The following CSTL1 variants were observed in gnomAD, a reference collection of about 807,000 sequenced individuals.
The protein encoded by CSTL1 is cystatin like 1.
In CSTL1, 14 loss-of-function variants were observed where a neutral mutation model predicts 14.4. The observed-to-expected ratio is 0.97, with a 90% CI of 0.64 to 1.52. The LOEUF is 1.52. CSTL1 is among the 40% of genes most tolerant of loss of function. The pLI is 0.00. For synonymous variants in CSTL1, 72 were observed against 67.5 expected (o/e 1.07, Z -0.33); for missense variants, 170 against 168.7 (o/e 1.01, Z -0.04).
chr20:23,451,557 G>A, the CSTL1 span, among the ~76,000 whole-genome samples: 18 of 152,292 alleles, frequency 1.2e-4, no homozygotes, highest in African/African-American at 4.1e-4. Flanking sequence ...GCCCCAGAGT[G>A]TGCCCCTGCA....
chr20:23,446,399 G>A (rs1304996070), downstream of CSTL1, among the ~76,000 whole-genome samples: 1 of 152,128 alleles, frequency 6.6e-6, no homozygotes, highest in Non-Finnish European at 1.5e-5. Context: ...GGGACTACAG[G>A]CGTGCACTGC....
At chr20:23,440,571 G>GAACCACCAC in intron 2 of CSTL1, 85 bp downstream of exon 2, 1 of 1,018,968 alleles carries the variant, frequency 9.8e-7, no homozygotes. Flanking sequence ...GCTCCCAAGA[G>GAACCACCAC]AACCAAGTGG....
chr20:23,454,335 A>G, the CSTL1 span, among the ~76,000 whole-genome samples: 1 of 150,498 alleles, frequency 6.6e-6, no homozygotes, highest in African/African-American at 2.4e-5. Flanking sequence ...CAGACACACA[A>G]CATACACACA....
At chr20:23,450,602 A>T in the CSTL1 span, 10 of 1,598,206 alleles carry the variant, frequency 6.3e-6, no homozygotes, top group Admixed American at 1.5e-4. Flanking sequence ...AAAACAAAAA[A>T]CAAAGGCAAT....
At chr20:23,459,889 T>C in the CSTL1 span, among the ~76,000 whole-genome samples, 1 of 152,222 alleles carries the variant, frequency 6.6e-6, no homozygotes, top group East Asian at 1.9e-4. Context: ...TGACCATTCC[T>C]GCACTGTTCA....
At chr20:23,444,294 G>T (rs1321676213) in intron 3 of CSTL1, among the ~76,000 whole-genome samples, 1 of 152,230 alleles carries the variant, frequency 6.6e-6, no homozygotes, top group Non-Finnish European at 1.5e-5. Flanking sequence ...GACCCTCTGC[G>T]TGAAAGCAGT....
At chr20:23,441,296 G>C (rs761536909) in intron 2 of CSTL1, among the ~76,000 whole-genome samples, 1 of 152,218 alleles carries the variant, frequency 6.6e-6, no homozygotes. Context: ...TGGAGAGGAT[G>C]TGAGAGATAG....
chr20:23,445,235 T>C (rs186759640), downstream of CSTL1, among the ~76,000 whole-genome samples: 1,748 of 147,380 alleles, frequency 0.012, 25 homozygotes, highest in African/African-American at 0.032. Context: ...TTCTTTCTTT[T>C]TTTTTTTTTT....
intron 2 of CSTL1, chr20:23,440,748 A>T: frequency 1.0e-5 from 5 of 492,632 alleles, no homozygotes; most frequent in Admixed American, 3.1e-5. Flanking sequence ...TTCACTGAGG[A>T]TTAAACTCTT....
At chr20:23,448,113 T>G (rs1987003892), downstream of CSTL1, among the ~76,000 whole-genome samples, 1 of 152,184 alleles carries the variant, frequency 6.6e-6, no homozygotes, top group South Asian at 2.1e-4. Context: ...TGTGGTGATT[T>G]CTGAGATTTT....
the CSTL1 span, among the ~76,000 whole-genome samples, chr20:23,454,175 C>G: frequency 2.9e-3 from 439 of 149,188 alleles, 1 homozygote; most frequent in Non-Finnish European, 4.9e-3. Context: ...ACACACACAT[C>G]TACACATACA....
intron 2 of CSTL1, 120 bp downstream of exon 2, chr20:23,440,606 G>C (rs1986806568): frequency 6.3e-6 from 5 of 792,562 alleles, no homozygotes; most frequent in East Asian, 2.5e-5. Flanking sequence ...GTCCCAAGGG[G>C]GAAGCATCTT....
At chr20:23,452,784 G>C in the CSTL1 span, 12 of 1,614,042 alleles carry the variant, frequency 7.4e-6, no homozygotes, top group Non-Finnish European at 1.0e-5. Flanking sequence ...AACAGGAGCT[G>C]TAGGGCCTGC....
At chr20:23,444,947 G>T (rs1288589861), downstream of CSTL1, 12 of 1,051,320 alleles carry the variant, frequency 1.1e-5, no homozygotes, top group Middle Eastern at 8.4e-4. Flanking sequence ...CCTCATTGGG[G>T]TCTTATTACA....
Position 23,444,782 on chromosome 20 carries a change from C to T in CSTL1, c.342C>T (p.Cys114=), listed in dbSNP as rs200735623. The T allele has an allele frequency of 5.3e-4, 848 of 1,610,014 alleles. 14 individuals are homozygous for T. In the South Asian group the frequency reaches 7.3e-3, roughly 14 times the overall value. The change falls in exon 4 of 4, where the codon TGC becomes TGT. Residue 114 remains cysteine, a synonymous_variant. Coordinates refer to ENST00000347397, the MANE Select transcript of CSTL1 (RefSeq NM_138283.1). ...TTCTTCTTCTACAGAGTTTAATTTG[C>T]GAGTCTTTGATATACACCATGCCCT... ...QSKKLRKSLI[C]ESLIYTMPWI...
the CSTL1 span, among the ~76,000 whole-genome samples, chr20:23,460,560 T>C: frequency 6.6e-6 from 1 of 152,180 alleles, no homozygotes; most frequent in Non-Finnish European, 1.5e-5. Context: ...TCAATCATTT[T>C]TGGAGATTTA....
rs922019989 is a variant in CSTL1, at chr20:23,439,775, TG to T, written c.-154del. 1 of 167,060 alleles carries T rather than the reference TG, an allele frequency of 6.0e-6. No individual in the cohort carries two copies. The highest frequency in any genetic ancestry group is 1.3e-5 in the Non-Finnish European group (1 of 75,818). 10.3% of individuals were successfully genotyped at this position (167,060 alleles called of 1,614,324 possible). On this transcript the variant is annotated 5_prime_UTR_variant, in exon 1 of 4. Coordinates refer to ENST00000347397, the MANE Select transcript of CSTL1 (RefSeq NM_138283.1). ...TAAAGGAAGCACAGGGAACAGGTGG[TG>T]GCTTTGTAAGACAGTTGGAACCCAA...
chr20:23,440,756 CTTTTTT>C, intron 2 of CSTL1: 7 of 360,756 alleles, frequency 1.9e-5, no homozygotes, highest in Non-Finnish European at 3.7e-5. Context: ...GGATTAAACT[CTTTTTT>C]TTTTTTTTTT....
At chr20:23,442,073 G>C (rs1318851811) in intron 2 of CSTL1, among the ~76,000 whole-genome samples, 1 of 152,270 alleles carries the variant, frequency 6.6e-6, no homozygotes, top group Non-Finnish European at 1.5e-5. Context: ...AAGGAGGCTT[G>C]CCTTGTGAAA....
Sources: gnomAD v4.1 joint callset for allele counts (sites outside exome capture counted in the v4.1 genomes callset) on GRCh38, gnomAD v4.1.1 for gene constraint, MANE v1.5 for transcripts, NCBI Gene and HGNC (gene_info 2026-07-23, HGNC 2026-07-21) for gene names.